The following AGMO variants were observed in gnomAD, a reference collection of about 807,000 sequenced individuals.
AGMO encodes glyceryl-ether monooxygenase.
In AGMO, 75 loss-of-function variants were observed where a neutral mutation model predicts 60.2. The ratio of observed to expected loss-of-function variants is 1.25; its 90% CI spans 1.03 to 1.51. AGMO has a LOEUF of 1.51. AGMO is among the 40% of genes most tolerant of loss of function. AGMO has a pLI of 0.00. For synonymous variants in AGMO, 261 were observed against 177.1 expected, an observed-to-expected ratio of 1.47 and a Z score of -3.76; for missense variants, 763 against 525.5, an observed-to-expected ratio of 1.45 and a Z score of -4.42.
intron 12 of AGMO, among the ~76,000 whole-genome samples, chr7:15,260,778 T>C (rs1783244634): frequency 6.6e-6 from 1 of 152,046 alleles, no homozygotes; most frequent in East Asian, 1.9e-4. Context: ...AAAACAAATT[T>C]CAGTAAATTT....
intron 12 of AGMO, among the ~76,000 whole-genome samples, chr7:15,265,890 C>G (rs963278207): frequency 6.6e-6 from 1 of 151,914 alleles, no homozygotes; most frequent in African/African-American, 2.4e-5. Context: ...GTATGTTCAC[C>G]AACAGATGAA....
intron 3 of AGMO, among the ~76,000 whole-genome samples, chr7:15,535,900 G>C (rs1784474607): frequency 6.6e-6 from 1 of 151,082 alleles, no homozygotes; most frequent in African/African-American, 2.4e-5. Context: ...ACTTTTATTT[G>C]TTCACTGTTA....
chr7:15,445,933 GA>G (rs138339706), intron 3 of AGMO, among the ~76,000 whole-genome samples: 1 of 151,554 alleles, frequency 6.6e-6, no homozygotes, highest in East Asian at 1.9e-4. Context: ...TCAAATACAA[GA>G]AAAAAAATCG....
chr7:15,211,202 TTTA>T, intron 12 of AGMO, among the ~76,000 whole-genome samples: 1 of 152,162 alleles, frequency 6.6e-6, no homozygotes, highest in Non-Finnish European at 1.5e-5. Context: ...TTCACAGGAT[TTTA>T]TTGAGTATTG....
intron 3 of AGMO, among the ~76,000 whole-genome samples, chr7:15,484,826 G>T (rs1285709290): frequency 1.3e-5 from 2 of 152,126 alleles, no homozygotes. Flanking sequence ...GAGGAGGAAA[G>T]AAATAATATC....
At chr7:15,175,017 T>A in the AGMO span, among the ~76,000 whole-genome samples, 6 of 151,836 alleles carry the variant, frequency 4.0e-5, no homozygotes, top group African/African-American at 1.4e-4. Flanking sequence ...TATATATCCT[T>A]TAAAACTATT....
At chr7:15,239,303 G>A (rs1782519790) in intron 12 of AGMO, among the ~76,000 whole-genome samples, 1 of 152,112 alleles carries the variant, frequency 6.6e-6, no homozygotes, top group Non-Finnish European at 1.5e-5. Flanking sequence ...GATATTTGAT[G>A]CAAAGGATTT....
intron 12 of AGMO, among the ~76,000 whole-genome samples, chr7:15,314,155 A>G (rs890211976): frequency 8.6e-5 from 13 of 152,034 alleles, no homozygotes; most frequent in African/African-American, 3.1e-4. Context: ...AGTTGGACAA[A>G]AAGGTGATTT....
chr7:15,526,251 T>A (rs1438901281), intron 3 of AGMO, among the ~76,000 whole-genome samples: 2 of 152,228 alleles, frequency 1.3e-5, no homozygotes, highest in African/African-American at 4.8e-5. Context: ...CTGCATCATT[T>A]TGATACCAAA....
intron 12 of AGMO, among the ~76,000 whole-genome samples, chr7:15,356,130 G>T (rs1247090542): frequency 6.6e-6 from 1 of 152,160 alleles, no homozygotes; most frequent in Non-Finnish European, 1.5e-5. Context: ...TAATCACTTG[G>T]AAAACAACTT....
chr7:15,442,696 C>A (rs1227470608), intron 3 of AGMO, among the ~76,000 whole-genome samples: 1 of 152,014 alleles, frequency 6.6e-6, no homozygotes, highest in African/African-American at 2.4e-5. Flanking sequence ...GGCCTCTACC[C>A]ACAGACCTAG....
chr7:15,292,721 C>T (rs1363974017), intron 12 of AGMO, among the ~76,000 whole-genome samples: 3 of 145,060 alleles, frequency 2.1e-5, no homozygotes, highest in Admixed American at 1.4e-4. Context: ...TCTCCAGCCT[C>T]TGGAAATACA....
chr7:15,242,588 C>T (rs1470150441), intron 12 of AGMO, among the ~76,000 whole-genome samples: 1 of 152,062 alleles, frequency 6.6e-6, no homozygotes, highest in Non-Finnish European at 1.5e-5. Flanking sequence ...GAAACCAAGA[C>T]TGTTAAACTG....
At chr7:15,293,033 G>A (rs941575735) in intron 12 of AGMO, among the ~76,000 whole-genome samples, 12 of 152,116 alleles carry the variant, frequency 7.9e-5, no homozygotes, top group Middle Eastern at 3.4e-3. Flanking sequence ...AAAGTGCTGG[G>A]ATTACAAGTG....
chr7:15,159,081 G>T, the AGMO span, among the ~76,000 whole-genome samples: 1 of 151,856 alleles, frequency 6.6e-6, no homozygotes, highest in African/African-American at 2.4e-5. Flanking sequence ...CAAGAAACAA[G>T]ATTGTTTCTT....
chr7:15,307,115 A>C (rs1428499007), intron 12 of AGMO, among the ~76,000 whole-genome samples: 2 of 152,050 alleles, frequency 1.3e-5, no homozygotes, highest in Non-Finnish European at 2.9e-5. Flanking sequence ...TCTACTAGTA[A>C]TGATGATGAC....
the AGMO span, among the ~76,000 whole-genome samples, chr7:15,192,787 C>G: frequency 6.6e-6 from 1 of 152,124 alleles, no homozygotes; most frequent in Non-Finnish European, 1.5e-5. Flanking sequence ...TTCCCCCTCC[C>G]ATAAGGAGTT....
intron 3 of AGMO, among the ~76,000 whole-genome samples, chr7:15,439,324 G>C (rs997427389): frequency 6.6e-6 from 1 of 152,144 alleles, no homozygotes; most frequent in Non-Finnish European, 1.5e-5. Flanking sequence ...TTGGACTCAG[G>C]AGGCAAAAAT....
At chr7:15,409,656 A>G (rs567646176) in intron 5 of AGMO, among the ~76,000 whole-genome samples, 10 of 152,030 alleles carry the variant, frequency 6.6e-5, no homozygotes, top group African/African-American at 2.4e-4. Context: ...ATTATCCTTC[A>G]GAGATTCAAA....
Sources: allele counts gnomAD v4.1 joint callset (sites outside exome capture counted in the v4.1 genomes callset), GRCh38; gene constraint gnomAD v4.1.1; transcripts MANE v1.5; gene names NCBI Gene and HGNC (gene_info 2026-07-23, HGNC 2026-07-21).